The following PPCS variants were observed in gnomAD, a reference collection of about 807,000 sequenced individuals.
PPCS encodes the protein phosphopantothenoylcysteine synthetase.
A neutral mutation model predicts 24.6 loss-of-function variants in PPCS; 17 were observed. The observed-to-expected ratio is 0.69, with a 90% CI of 0.47 to 1.04. The LOEUF (loss-of-function observed/expected upper bound fraction) is 1.04. Ranked by LOEUF, PPCS falls within the 50% of genes least tolerant of loss-of-function variation. The pLI is 0.00. For synonymous variants in PPCS, 190 were observed against 168.3 expected (o/e 1.13, Z -1.00); for missense variants, 360 against 402.8 (o/e 0.89, Z 0.91).
chr1:42,471,143 T>G lies in PPCS; in HGVS notation n.378-1979T>G, dbSNP rs946166912. On this transcript the variant is annotated intron_variant and non_coding_transcript_variant, in intron 2 of 2. Coordinates refer to the PPCS transcript ENST00000471420. ...ATAAAGATCACTGGCTTTGGGAGAATGGTCAAGTGAAGGAGCTTGGGTGAT... is the reference window on the plus strand; with the variant it reads ...ATAAAGATCACTGGCTTTGGGAGAAGGGTCAAGTGAAGGAGCTTGGGTGAT... Among the ~76,000 whole-genome samples the G allele has an allele frequency of 4.6e-5, 7 of 152,122 alleles. No individual in the cohort carries two copies. In the East Asian group the frequency reaches 7.7e-4, roughly 17 times the overall value.
Position 42,456,793 on chromosome 1 carries a change from C to G in PPCS, c.228C>G (p.Ala76=). ...GATSAEAFLA[A]GYGVLFLYRA... is the part of the protein sequence containing the mutation. The stretch of plus-strand genomic sequence containing the variant: ...CCTCGGCCGAGGCCTTCCTAGCCGC[C>G]GGCTACGGGGTCCTGTTCTTGTATC... Residue 76 remains alanine (A), a synonymous_variant, in exon 1 of 3, where the codon GCC becomes GCG. Coordinates refer to ENST00000372561, the MANE Select transcript of PPCS (RefSeq NM_024664.4). 3 of 1,613,212 alleles carry G rather than the reference C, an allele frequency of 1.9e-6. No individual in the cohort carries two copies. Among genetic ancestry groups the G allele is most frequent in the South Asian group, 2.2e-5 (2 of 91,070 alleles).
chr1:42,473,283 C>T, exon 3 of PPCS: 2 of 1,231,154 alleles, frequency 1.6e-6, no homozygotes, highest in Non-Finnish European at 2.0e-6. Context: ...TATAGTGAAG[C>T]ACATGGGTGA....
downstream of PPCS, among the ~76,000 whole-genome samples, chr1:42,466,048 GA>G (rs1298399320): frequency 1.3e-5 from 2 of 152,130 alleles, no homozygotes; most frequent in Admixed American, 6.5e-5. Flanking sequence ...TTTTATTTGG[GA>G]ATTGAAAAAC....
chr1:42,461,550 C>CT (rs34955190), downstream of PPCS, among the ~76,000 whole-genome samples: 19,060 of 140,514 alleles, frequency 0.14, 1,424 homozygotes, highest in East Asian at 0.28. Flanking sequence ...TACCCAGGCT[C>CT]TTTTTTTTTT....
downstream of PPCS, among the ~76,000 whole-genome samples, chr1:42,461,507 T>A (rs138328067): frequency 6.3e-4 from 96 of 151,534 alleles, no homozygotes; most frequent in African/African-American, 2.3e-3. Flanking sequence ...GGCTAAATAT[T>A]TTATTTTTCA....
Position 42,456,979 on chromosome 1 carries a change from T to A in PPCS, c.414T>A (p.Ala138=). 2 of 1,603,264 alleles carry A rather than the reference T, an allele frequency of 1.2e-6. No homozygotes were observed. The highest frequency in any genetic ancestry group is 2.2e-5 in the South Asian group (2 of 91,086). ...FAEALRSYQE[A]AAAGTFLAVE... ...AGGCTCTGAGGAGCTACCAGGAGGC[T>A]GCGGCTGCAGGCACCTTCCTGGCAG... The change falls in exon 1 of 3, where the codon GCT becomes GCA. Residue 138 remains alanine, a synonymous_variant. Coordinates refer to ENST00000372561, the MANE Select transcript of PPCS (RefSeq NM_024664.4).
At chr1:42,467,137 A>G (rs1643616055) in intron 2 of PPCS, among the ~76,000 whole-genome samples, 1 of 152,196 alleles carries the variant, frequency 6.6e-6, no homozygotes, top group Non-Finnish European at 1.5e-5. Context: ...GCGGCAGAAG[A>G]CAAGGCTAGA....
At chr1:42,458,193 G>A (rs1475448529) in intron 2 of PPCS, among the ~76,000 whole-genome samples, 2 of 152,180 alleles carry the variant, frequency 1.3e-5, no homozygotes, top group Non-Finnish European at 2.9e-5. Flanking sequence ...GGACACATAA[G>A]TAGGAGAATG....
chr1:42,460,704 G>A lies in PPCS; in HGVS notation c.*778G>A, dbSNP rs1643387405. Reference sequence around the variant, plus strand: ...TATGGGCTAGAAGTCAACTTAGCCAGCTGTGCCACCTATTAGCTTTATAAA... The same window carrying A: ...TATGGGCTAGAAGTCAACTTAGCCAACTGTGCCACCTATTAGCTTTATAAA... On this transcript the variant is annotated 3_prime_UTR_variant, in exon 3 of 3. Coordinates refer to ENST00000372561, the MANE Select transcript of PPCS (RefSeq NM_024664.4). Among the ~76,000 whole-genome samples, 1 of 152,234 alleles carries A rather than the reference G, an allele frequency of 6.6e-6. No homozygotes were observed. Among genetic ancestry groups the A allele is most frequent in the Non-Finnish European group, 1.5e-5 (1 of 68,044 alleles).
In PPCS at chr1:42,460,079, T is replaced by C. The variant is rs1410833048; in HGVS notation, c.*153T>C. ...CAAATATGGTTTGGCATTTGTCTTT[T>C]AATGACACCTGATATGATGTCATTT... is the stretch of plus-strand genomic sequence containing the variant. On this transcript the variant is annotated 3_prime_UTR_variant, in exon 3 of 3. Coordinates refer to ENST00000372561, the MANE Select transcript of PPCS (RefSeq NM_024664.4). The C allele has an allele frequency of 1.5e-5, 21 of 1,407,434 alleles. No homozygotes were observed. Among genetic ancestry groups the C allele is most frequent in the Non-Finnish European group, 1.9e-5 (21 of 1,085,830 alleles). 87.2% of individuals were successfully genotyped at this position (1,407,434 alleles called of 1,614,324 possible).
downstream of PPCS, among the ~76,000 whole-genome samples, chr1:42,462,064 A>G (rs141842630): frequency 3.7e-4 from 56 of 152,332 alleles, 1 homozygote; most frequent in East Asian, 8.3e-3. Context: ...GTTTGTCTTT[A>G]CCATAATTAT....
intron 2 of PPCS, among the ~76,000 whole-genome samples, chr1:42,458,714 T>G (rs762347804): frequency 2.0e-5 from 3 of 152,238 alleles, no homozygotes; most frequent in African/African-American, 4.8e-5. Context: ...CTCTGGGATC[T>G]TTAGTTTATC....
rs374401516 is a variant in PPCS at position 42,469,543 on chromosome 1, A to C, written n.378-3579A>C. On this transcript the variant is annotated intron_variant and non_coding_transcript_variant, in intron 2 of 2. Transcript: ENST00000471420. Reference sequence around the variant, plus strand: ...TTATTTCTTGTATCTTTAAGACCAGAGATGTCTTGAGCTGAGGACAAGAGA... The same window carrying C: ...TTATTTCTTGTATCTTTAAGACCAGCGATGTCTTGAGCTGAGGACAAGAGA... 7.2e-5 allele frequency among the ~76,000 whole-genome samples: 11 copies of C among 152,290 alleles called. No homozygotes were observed. The East Asian group carries it at 2.1e-3, about 29-fold the overall frequency.
At chr1:42,472,938 A>G (rs1361067175) in intron 2 of PPCS, among the ~76,000 whole-genome samples, 3 of 152,142 alleles carry the variant, frequency 2.0e-5, no homozygotes, top group African/African-American at 7.2e-5. Flanking sequence ...ATTTTCCAAG[A>G]TATATATACA....
At position 42,457,035 on chromosome 1, in the gene PPCS, A is replaced by G. The variant is rs1643226330; in HGVS notation, c.470A>G (p.His157Arg). The G allele has an allele frequency of 6.2e-7, 1 of 1,601,546 alleles. No individual in the cohort carries two copies. The highest frequency in any genetic ancestry group is 2.2e-5 in the East Asian group (1 of 44,866). Residue 157 changes from histidine (H) to arginine (R), a missense_variant, in exon 1 of 3, where the codon CAT becomes CGT. His to Arg is a conservative substitution (Grantham distance 29, BLOSUM62 0). Transcript: ENST00000372561. ...TTCACCACTTTGGCGGACTATTTGCATCTGTTGCAGGCTGCGGCCCAGGCA... is the reference window on the plus strand; with the variant it reads ...TTCACCACTTTGGCGGACTATTTGCGTCTGTTGCAGGCTGCGGCCCAGGCA... ...VEFTTLADYL[H>R]LLQAAAQALN...
rs1039975212 is a variant in PPCS at position 42,460,237 on chromosome 1, G to A, written c.*311G>A. On this transcript the variant is annotated 3_prime_UTR_variant, in exon 3 of 3. Transcript: ENST00000372561. ...TTTATACTATAGAAAAAGGATTATG[G>A]ATGCATGAATGGTCATGCTTTGGAG... The A allele has an allele frequency of 9.7e-5, 102 of 1,053,706 alleles. No homozygotes were observed. The highest frequency in any genetic ancestry group is 1.0e-4 in the Non-Finnish European group (88 of 872,388). 65.3% of individuals were successfully genotyped at this position (1,053,706 alleles called of 1,614,324 possible).
At chr1:42,465,183 A>G (rs1234616570), downstream of PPCS, among the ~76,000 whole-genome samples, 4 of 151,980 alleles carry the variant, frequency 2.6e-5, no homozygotes, top group Admixed American at 6.6e-5. Flanking sequence ...ATGGTGGAGC[A>G]CTCCTGTAGC....
At chr1:42,457,649 C>T in intron 2 of PPCS, 2 of 388,422 alleles carry the variant, frequency 5.1e-6, no homozygotes, top group South Asian at 3.0e-5. Flanking sequence ...ATGAATTGAA[C>T]TGGGTTTTAA....
intron 2 of PPCS, among the ~76,000 whole-genome samples, chr1:42,468,204 C>T (rs867994404): frequency 1.1e-4 from 16 of 152,298 alleles, no homozygotes; most frequent in African/African-American, 3.6e-4. Context: ...GAAATGTATT[C>T]CTCCCACATA....
Sources: allele counts gnomAD v4.1 joint callset (sites outside exome capture counted in the v4.1 genomes callset), GRCh38; gene constraint gnomAD v4.1.1; transcripts MANE v1.5; gene names NCBI Gene and HGNC (gene_info 2026-07-23, HGNC 2026-07-21).